PRNP: variants seen among roughly 807,000 people sequenced by gnomAD.
PRNP encodes prion protein (Kanno blood group).
Under a neutral mutation model 21.3 loss-of-function variants are expected in PRNP, and 15 were observed. The ratio of observed to expected loss-of-function variants is 0.71; its 90% confidence interval spans 0.47 to 1.09. The LOEUF (loss-of-function observed/expected upper bound fraction) is 1.09. PRNP is among the 50% of genes least tolerant of loss of function. The probability of loss-of-function intolerance (pLI) is 0.00; values close to 1 mark genes in which losing one functional copy is unlikely to be tolerated. For missense variants in PRNP, 285 were observed against 340.9 expected, an observed-to-expected ratio of 0.84 and a Z score of 1.29; for synonymous variants, 121 against 123.1, an observed-to-expected ratio of 0.98 and a Z score of 0.11.
chr20:4,688,887 G>A lies in PRNP; in HGVS notation c.-11+2375G>A, dbSNP rs577857564. ...TGGTGAATATATTGCTCTCACTAAG[G>A]GCGTTTAAAAAATAGTTCACAGGTT... On this transcript the variant is annotated intron_variant, in intron 1 of 1. Coordinates refer to ENST00000379440, the MANE Select transcript of PRNP (RefSeq NM_000311.5). Among the ~76,000 whole-genome samples, 36 of 152,210 alleles carry A rather than the reference G, an allele frequency of 2.4e-4. 1 individual carries two copies. The South Asian group carries it at 5.2e-3, about 22-fold the overall frequency.
chr20:4,687,476 C>G (rs991984776), intron 1 of PRNP, among the ~76,000 whole-genome samples: 3 of 152,256 alleles, frequency 2.0e-5, no homozygotes, highest in Admixed American at 6.5e-5. Flanking sequence ...GTCTCCCCAC[C>G]TGTGCGGCAG....
In PRNP at chr20:4,697,727, G is replaced by A. The variant is rs552006371; in HGVS notation, c.-10-1484G>A. ...CAAGGGAAGTGGCATGATGTGACCC[G>A]CATATTAAGAGGAGAGCGCTCAATG... On this transcript the variant is annotated intron_variant, in intron 1 of 1. Transcript: ENST00000379440. The surrounding 1 kb of genome is among the most constrained non-coding windows in gnomAD (Gnocchi z 4.6). Among the ~76,000 whole-genome samples the A allele has an allele frequency of 2.6e-5, 4 of 152,290 alleles. No individual in the cohort carries two copies. Among genetic ancestry groups the A allele is most frequent in the African/African-American group, 9.6e-5 (4 of 41,562 alleles).
In PRNP at chr20:4,699,085, C is replaced by G; in HGVS notation, c.-10-126C>G. ...TTGTCCTAAGTGCTTCAGAGAAGTA[C>G]AGGGTGGCAACAGTGTTTCTACTGA... On this transcript the variant is annotated intron_variant, in intron 1 of 1. Transcript: ENST00000379440. The surrounding 1 kb of genome is among the most constrained non-coding windows in gnomAD (Gnocchi z 5.8). The G allele has an allele frequency of 8.7e-7, 1 of 1,152,824 alleles. No homozygotes were observed. Among genetic ancestry groups the G allele is most frequent in the South Asian group, 1.3e-5 (1 of 77,124 alleles). The allele number at this position is 1,152,824 out of a possible 1,614,324, so 71.4% of individuals were successfully genotyped here.
rs549418122 is a variant in PRNP, at chr20:4,693,647, C to T, written c.-10-5564C>T. On this transcript the variant is annotated intron_variant, in intron 1 of 1. Coordinates refer to ENST00000379440, the MANE Select transcript of PRNP (RefSeq NM_000311.5). ...TCATGGGGCTCCACAGATTTGATCT[C>T]CTTTTTGGTCCTTAAGCCCACCAAG... is the stretch of plus-strand genomic sequence containing the variant. Among the ~76,000 whole-genome samples, 155 of 152,270 alleles carry T rather than the reference C, an allele frequency of 1.0e-3. 1 individual carries two copies. Among genetic ancestry groups the T allele is most frequent in the Admixed American group, 1.6e-3 (25 of 15,298 alleles).
At chr20:4,693,190 T>C (rs1316993569) in intron 1 of PRNP, among the ~76,000 whole-genome samples, 2 of 152,168 alleles carry the variant, frequency 1.3e-5, no homozygotes, top group South Asian at 2.1e-4. Context: ...GCAGGTCTTA[T>C]TGGCTCTTTC....
chr20:4,691,690 C>T (rs6076716), intron 1 of PRNP, among the ~76,000 whole-genome samples: 46 of 152,104 alleles, frequency 3.0e-4, no homozygotes, highest in African/African-American at 1.1e-3. Context: ...ATTTTTGCAC[C>T]TATGTTCATC....
intron 1 of PRNP, among the ~76,000 whole-genome samples, chr20:4,698,065 G>T (rs571836330): frequency 4.1e-4 from 62 of 152,056 alleles, no homozygotes; most frequent in Non-Finnish European, 7.4e-4. Flanking sequence ...ATTTCCTGGG[G>T]TGTATGAGTA....
In PRNP at chr20:4,700,235, T is replaced by C. The variant is rs1922520458; in HGVS notation, c.*253T>C. ...AGGCCAGTAAAAGTATAACAGCAAATAACCATTGGTTAATCTGGACTTATT... is the reference window on the plus strand; with the variant it reads ...AGGCCAGTAAAAGTATAACAGCAAACAACCATTGGTTAATCTGGACTTATT... On this transcript the variant is annotated 3_prime_UTR_variant, in exon 2 of 2. Transcript: ENST00000379440. The surrounding 1 kb of genome is among the most constrained non-coding windows in gnomAD (Gnocchi z 4.1). 4 of 1,214,176 alleles carry C rather than the reference T, an allele frequency of 3.3e-6. No individual in the cohort carries two copies. In the African/African-American group the frequency reaches 6.0e-5, roughly 18 times the overall value. The allele number at this position is 1,214,176 out of a possible 1,614,324, so 75.2% of individuals were successfully genotyped here.
Position 4,699,401 on chromosome 20 carries a change from CATG to C in PRNP, c.182_184del (p.His61_Gly62delinsArg). ...GGGCGGTGGTGGCTGGGGGCAGCCTCATGGTGGTGGCTGGGGGCAGCCTCATGG... is the reference window on the plus strand; with the variant it reads ...GGGCGGTGGTGGCTGGGGGCAGCCTCGTGGTGGCTGGGGGCAGCCTCATGG... On this transcript the variant is annotated inframe_deletion, in exon 2 of 2. Coordinates refer to ENST00000379440, the MANE Select transcript of PRNP (RefSeq NM_000311.5). This position sits in a 1 kb window ranked among gnomAD's most constrained non-coding sequence, Gnocchi z 5.8. 1.2e-6 allele frequency: 2 copies of C among 1,606,372 alleles called. No homozygotes were observed. Among genetic ancestry groups the C allele is most frequent in the Non-Finnish European group, 1.7e-6 (2 of 1,176,916 alleles).
In PRNP at chr20:4,700,198, G is replaced by A. The variant is rs748532463; in HGVS notation, c.*216G>A. The A allele has an allele frequency of 1.2e-4, 170 of 1,441,190 alleles. No individual in the cohort carries two copies. The highest frequency in any genetic ancestry group is 1.6e-4 in the Admixed American group (8 of 50,418). The allele number at this position is 1,441,190 out of a possible 1,614,324, so 89.3% of individuals were successfully genotyped here. On this transcript the variant is annotated 3_prime_UTR_variant, in exon 2 of 2. Coordinates refer to ENST00000379440, the MANE Select transcript of PRNP (RefSeq NM_000311.5). This position sits in a 1 kb window ranked among gnomAD's most constrained non-coding sequence, Gnocchi z 4.1. Reference sequence around the variant, plus strand: ...CCTTTGATTGAGTTCATCATGAGCCGTTGCTAATGCCAGGCCAGTAAAAGT... The same window carrying A: ...CCTTTGATTGAGTTCATCATGAGCCATTGCTAATGCCAGGCCAGTAAAAGT...
At chr20:4,689,440 A>G (rs1042641533) in intron 1 of PRNP, among the ~76,000 whole-genome samples, 5 of 152,216 alleles carry the variant, frequency 3.3e-5, no homozygotes, top group African/African-American at 1.2e-4. Context: ...AGATTTTTAG[A>G]ATTATGCTGA....
intron 1 of PRNP, among the ~76,000 whole-genome samples, chr20:4,689,376 C>T (rs1331982802): frequency 6.6e-6 from 1 of 152,212 alleles, no homozygotes; most frequent in South Asian, 2.1e-4. Flanking sequence ...ACTGACACCT[C>T]ATTGCATCAT....
chr20:4,687,280 G>T (rs1466676636), intron 1 of PRNP, among the ~76,000 whole-genome samples: 1 of 152,138 alleles, frequency 6.6e-6, no homozygotes, highest in East Asian at 1.9e-4. Context: ...GGGGTCCGGG[G>T]AGGCCCCACC....
rs11538768 is a variant in PRNP at position 4,699,639 on chromosome 20, A to G, written c.419A>G (p.His140Arg). 3 of 1,614,020 alleles carry G rather than the reference A, an allele frequency of 1.9e-6. No homozygotes were observed. Among genetic ancestry groups the G allele is most frequent in the Non-Finnish European group, 1.7e-6 (2 of 1,179,996 alleles). The change falls in exon 2 of 2, where the codon CAT (histidine) becomes CGT (arginine). Residue 140 changes from histidine to arginine, a missense_variant. By Grantham distance (29) the His-to-Arg change is conservative. Transcript: ENST00000379440. The surrounding 1 kb of genome is among the most constrained non-coding windows in gnomAD (Gnocchi z 5.8). ...LGSAMSRPII[H>R]FGSDYEDRYY... Reference sequence around the variant, plus strand: ...AGTGCCATGAGCAGGCCCATCATACATTTCGGCAGTGACTATGAGGACCGT... The same window carrying G: ...AGTGCCATGAGCAGGCCCATCATACGTTTCGGCAGTGACTATGAGGACCGT...
In PRNP at chr20:4,699,599, G is replaced by A. The variant is rs780369285; in HGVS notation, c.379G>A (p.Gly127Ser). Residue 127 changes from glycine to serine, a missense_variant, in exon 2 of 2, where the codon GGC becomes AGC. Gly to Ser is a moderately conservative substitution (Grantham distance 56). Transcript: ENST00000379440. The surrounding 1 kb of genome is among the most constrained non-coding windows in gnomAD (Gnocchi z 5.8). ...AAGAVVGGLG[G>S]YMLGSAMSRP... ...TGGGGCAGTGGTGGGGGGCCTTGGCGGCTACATGCTGGGAAGTGCCATGAG... is the reference window on the plus strand; with the variant it reads ...TGGGGCAGTGGTGGGGGGCCTTGGCAGCTACATGCTGGGAAGTGCCATGAG... The A allele has an allele frequency of 5.0e-6, 8 of 1,613,956 alleles. No homozygotes were observed. The highest frequency in any genetic ancestry group is 1.7e-5 in the Admixed American group (1 of 60,002).
intron 1 of PRNP, among the ~76,000 whole-genome samples, chr20:4,692,941 C>G (rs1921925410): frequency 6.6e-6 from 1 of 152,046 alleles, no homozygotes; most frequent in African/African-American, 2.4e-5. Flanking sequence ...GTGAAGACGC[C>G]CAAATGTTTA....
intron 1 of PRNP, among the ~76,000 whole-genome samples, chr20:4,698,574 G>T (rs554884177): frequency 7.9e-5 from 12 of 152,088 alleles, no homozygotes; most frequent in Middle Eastern, 3.4e-3. Flanking sequence ...AACAAGCTGG[G>T]TATTGTTTTT....
Position 4,697,573 on chromosome 20 carries a change from A to T in PRNP, c.-10-1638A>T, listed in dbSNP as rs973742912. The stretch of plus-strand genomic sequence containing the variant: ...AGGACCAGGGAACAGCAAGTGCAAC[A>T]GCCCTGAGACAGGATGGGCTTGTCA... On this transcript the variant is annotated intron_variant, in intron 1 of 1. Transcript: ENST00000379440. This position sits in a 1 kb window ranked among gnomAD's most constrained non-coding sequence, Gnocchi z 4.6. Among the ~76,000 whole-genome samples, 2 of 152,190 alleles carry T rather than the reference A, an allele frequency of 1.3e-5. No homozygotes were observed.
chr20:4,695,917 G>A (rs992718226), intron 1 of PRNP, among the ~76,000 whole-genome samples: 4 of 152,036 alleles, frequency 2.6e-5, no homozygotes, highest in Admixed American at 2.6e-4. Flanking sequence ...TTATTGGTTC[G>A]TGGTGCCCAT....
Sources: allele counts gnomAD v4.1 joint callset (sites outside exome capture counted in the v4.1 genomes callset), GRCh38; gene constraint gnomAD v4.1.1; non-coding constraint Gnocchi (gnomAD v3.1); transcripts MANE v1.5; gene names NCBI Gene and HGNC (gene_info 2026-07-23, HGNC 2026-07-21).